The following RANBP2 variants were observed in gnomAD, a reference collection of about 807,000 sequenced individuals.
RANBP2 encodes RAN binding protein 2, also known as E3 SUMO-protein ligase RanBP2.
In RANBP2, 57 loss-of-function variants were observed where a neutral mutation model predicts 303.6. That is an observed-to-expected ratio of 0.19 (90% CI 0.15 to 0.23). The LOEUF is 0.23. RANBP2 is among the 10% of genes least tolerant of loss of function. RANBP2 has a pLI of 1.00. For synonymous variants in RANBP2, 1,167 were observed against 1,301.5 expected (o/e 0.90, Z 2.23); for missense variants, 3,138 against 3,780.8 (o/e 0.83, Z 4.46).
At chr2:109,559,471 G>C in the RANBP2 span, among the ~76,000 whole-genome samples, 2 of 152,202 alleles carry the variant, frequency 1.3e-5, no homozygotes, top group Non-Finnish European at 2.9e-5. Context: ...CTAAGCTGAA[G>C]AATCTCCCTT....
chr2:109,267,149 G>A, the RANBP2 span, among the ~76,000 whole-genome samples: 37 of 152,122 alleles, frequency 2.4e-4, no homozygotes, highest in African/African-American at 6.0e-4. Flanking sequence ...AAACAGGATG[G>A]GAGTTGCTTC....
chr2:109,763,552 G>A, the RANBP2 span, among the ~76,000 whole-genome samples: 1 of 149,804 alleles, frequency 6.7e-6, no homozygotes, highest in Non-Finnish European at 1.5e-5. Flanking sequence ...TGGAAGTTAA[G>A]GTCCTACTAA....
chr2:109,362,013 G>A, the RANBP2 span, among the ~76,000 whole-genome samples: 5 of 151,858 alleles, frequency 3.3e-5, no homozygotes, highest in Admixed American at 2.6e-4. Context: ...TCTTTTTAAA[G>A]ATTAATTTAT....
intron 20 of RANBP2, among the ~76,000 whole-genome samples, chr2:108,770,250 C>A (rs897994863): frequency 5.9e-5 from 9 of 152,138 alleles, no homozygotes; most frequent in Non-Finnish European, 1.3e-4. Context: ...GAGAGGCTAT[C>A]TGATTTACCC....
At chr2:108,827,814 TA>T in the RANBP2 span, among the ~76,000 whole-genome samples, 92,317 of 134,032 alleles carry the variant, frequency 0.69, 31,946 homozygotes, top group East Asian at 0.89. Flanking sequence ...AGAATATGTC[TA>T]AAAAAAAAAA....
chr2:109,309,604 C>G, the RANBP2 span, among the ~76,000 whole-genome samples: 1 of 128,168 alleles, frequency 7.8e-6, no homozygotes, highest in East Asian at 2.1e-4. Flanking sequence ...ATTCAGGAAA[C>G]CCATCTCACG....
chr2:108,792,803 G>A, the RANBP2 span, among the ~76,000 whole-genome samples: 106 of 152,284 alleles, frequency 7.0e-4, 1 homozygote, highest in Non-Finnish European at 1.9e-4. Context: ...GGTGGCTCAC[G>A]CCTGTAATCC....
chr2:109,412,764 A>T, the RANBP2 span, among the ~76,000 whole-genome samples: 1 of 152,096 alleles, frequency 6.6e-6, no homozygotes, highest in African/African-American at 2.4e-5. Context: ...AGTGTAGATT[A>T]AAAAATAATA....
the RANBP2 span, among the ~76,000 whole-genome samples, chr2:108,822,093 G>GCTGAAAATGAAAGGATGGAAAAA: frequency 6.6e-6 from 1 of 152,070 alleles, no homozygotes; most frequent in Non-Finnish European, 1.5e-5. Context: ...GCACGTATCA[G>GCTGAAAATGAAAGGATGGAAAAA]CTGAAAATGA....
At chr2:108,779,425 A>C (rs1678092101) in intron 25 of RANBP2, among the ~76,000 whole-genome samples, 1 of 152,062 alleles carries the variant, frequency 6.6e-6, no homozygotes, top group Non-Finnish European at 1.5e-5. Flanking sequence ...TCGGCCTCCT[A>C]AAGTGCTGGG....
chr2:108,793,493 T>C, the RANBP2 span, among the ~76,000 whole-genome samples: 1 of 152,206 alleles, frequency 6.6e-6, no homozygotes, highest in Admixed American at 6.5e-5. Flanking sequence ...ACAGCCACTT[T>C]GGAAAACAAT....
chr2:108,938,321 T>C, the RANBP2 span, among the ~76,000 whole-genome samples: 6 of 152,234 alleles, frequency 3.9e-5, no homozygotes, highest in Non-Finnish European at 7.3e-5. Context: ...TTATTGCTGC[T>C]TGTCAGACTA....
At chr2:108,771,182 A>G (rs1677471697) in intron 20 of RANBP2, among the ~76,000 whole-genome samples, 1 of 151,020 alleles carries the variant, frequency 6.6e-6, no homozygotes, top group African/African-American at 2.4e-5. Context: ...ATGCTTGAAC[A>G]TAGGCAAACT....
the RANBP2 span, among the ~76,000 whole-genome samples, chr2:109,234,734 G>A: frequency 0.015 from 2,270 of 152,302 alleles, 54 homozygotes; most frequent in African/African-American, 0.05. Context: ...GGAGTCTTCT[G>A]TGTGGGAGCA....
the RANBP2 span, among the ~76,000 whole-genome samples, chr2:109,306,389 T>G: frequency 6.6e-6 from 1 of 152,204 alleles, no homozygotes; most frequent in Non-Finnish European, 1.5e-5. Flanking sequence ...GCTTGGAGAT[T>G]CCTCCTGGAG....
chr2:109,424,077 G>A, the RANBP2 span, among the ~76,000 whole-genome samples: 1 of 152,316 alleles, frequency 6.6e-6, no homozygotes, highest in East Asian at 1.9e-4. Context: ...ACCGGTACCG[G>A]CATTGTCTAG....
the RANBP2 span, among the ~76,000 whole-genome samples, chr2:108,918,372 G>A: frequency 1.3e-5 from 2 of 152,182 alleles, no homozygotes; most frequent in African/African-American, 2.4e-5. Flanking sequence ...TGTGTGTTTC[G>A]GTTCATCTGC....
the RANBP2 span, among the ~76,000 whole-genome samples, chr2:108,848,031 A>T: frequency 6.6e-6 from 1 of 152,208 alleles, no homozygotes. Context: ...AGGTAAATGG[A>T]TTCTAAATAA....
chr2:109,055,313 C>G, the RANBP2 span, among the ~76,000 whole-genome samples: 1 of 151,650 alleles, frequency 6.6e-6, no homozygotes, highest in South Asian at 2.1e-4. Flanking sequence ...ATAGTCTCTT[C>G]CAGTATATTC....
Sources: gnomAD v4.1 joint callset for allele counts (sites outside exome capture counted in the v4.1 genomes callset) on GRCh38, gnomAD v4.1.1 for gene constraint, MANE v1.5 for transcripts, NCBI Gene and HGNC (gene_info 2026-07-23, HGNC 2026-07-21) for gene names.